The following INAVA variants were observed in gnomAD, a reference collection of about 807,000 sequenced individuals.
INAVA encodes innate immunity activator protein.
A neutral mutation model predicts 55.3 loss-of-function variants in INAVA; 32 were observed. The ratio of observed to expected loss-of-function variants is 0.58; its 90% CI spans 0.44 to 0.78. INAVA has a LOEUF of 0.78. INAVA is among the 30% of genes least tolerant of loss of function. INAVA has a pLI of 0.00. For missense variants in INAVA, 756 were observed against 786.4 expected (o/e 0.96, Z 0.46); for synonymous variants, 294 against 329.4 (o/e 0.89, Z 1.16).
chr1:200,892,074 G>A (rs1159524951), upstream of INAVA, among the ~76,000 whole-genome samples: 2 of 152,182 alleles, frequency 1.3e-5, no homozygotes, highest in African/African-American at 4.8e-5. Flanking sequence ...CGCATTCCAA[G>A]CTGGCTTGGA....
chr1:200,900,164 G>T lies in INAVA; in HGVS notation c.241G>T (p.Val81Phe), dbSNP rs779497908. 4.5e-5 allele frequency: 72 copies of T among 1,614,036 alleles called. No individual in the cohort carries two copies. The highest frequency in any genetic ancestry group is 5.9e-5 in the Non-Finnish European group (70 of 1,179,998). The change falls in exon 4 of 10, where the codon GTT (valine) becomes TTT (phenylalanine). Residue 81 changes from valine (V) to phenylalanine (F), a missense_variant. Around this residue, in one of 2 missense-constraint regions of INAVA, gnomAD observed 639 missense variants for 624.3 expected, o/e 1.02. Transcript: ENST00000413687. ...PLKPGEKAPK[V>F]RRRIGAAYKL... Reference sequence around the variant, plus strand: ...CAAACCAGGGGAAAAGGCCCCCAAGGTTCGCCGCAGGATCGGAGCGGCTTA... The same window carrying T: ...CAAACCAGGGGAAAAGGCCCCCAAGTTTCGCCGCAGGATCGGAGCGGCTTA...
chr1:200,913,497 G>T, intron 9 of INAVA, 40 bp from the exon 10 acceptor site: 1 of 1,542,014 alleles, frequency 6.5e-7, no homozygotes, highest in Non-Finnish European at 9.0e-7. Flanking sequence ...TTTCTGCCTG[G>T]TTCATTTACC....
At chr1:200,904,235 C>T (rs527950716) in intron 5 of INAVA, among the ~76,000 whole-genome samples, 13 of 152,140 alleles carry the variant, frequency 8.5e-5, no homozygotes, top group African/African-American at 2.9e-4. Context: ...ACTGCAGATG[C>T]GTGCTGCCAC....
intron 8 of INAVA, among the ~76,000 whole-genome samples, 186 bp downstream of exon 8, chr1:200,909,583 C>T (rs1002449444): frequency 6.6e-6 from 1 of 152,232 alleles, no homozygotes; most frequent in Non-Finnish European, 1.5e-5. Context: ...AGCCAAAGGC[C>T]ATCCATGAAG....
At position 200,911,830 on chromosome 1, in the gene INAVA, C is replaced by G; in HGVS notation, c.1337C>G (p.Pro446Arg). 6.2e-7 allele frequency: 1 copy of G among 1,602,576 alleles called. No homozygotes were observed. Among genetic ancestry groups the G allele is most frequent in the Non-Finnish European group, 8.5e-7 (1 of 1,177,500 alleles). ...RYVVVAESPLPPGEWELRRAA... is the reference protein window; with the variant it reads ...RYVVVAESPLRPGEWELRRAA... ...GTGGTGGTGGCTGAGAGCCCCCTGC[C>G]GCCTGGCGAGTGGGAGCTGCGCCGC... Residue 446 changes from proline (P) to arginine (R), a missense_variant, in exon 9 of 10, where the codon CCG becomes CGG. Physicochemically the swap from Pro to Arg is moderately radical, Grantham distance 103 (BLOSUM62 -2). This residue lies in a region of INAVA where 639 missense variants were observed against 624.3 expected (regional missense o/e 1.02). Coordinates refer to ENST00000413687, the MANE Select transcript of INAVA (RefSeq NM_001142569.3).
chr1:200,898,362 C>T lies in INAVA; in HGVS notation c.-39C>T. ...TGGCCCAGGCTGGTCACGGTGTCCC[C>T]CCTCCCTGCTCTGTGCCCTCTCCTT... On this transcript the variant is annotated 5_prime_UTR_variant, in exon 2 of 10. Coordinates refer to ENST00000413687, the MANE Select transcript of INAVA (RefSeq NM_001142569.3). The T allele has an allele frequency of 1.2e-6, 2 of 1,614,150 alleles. No individual in the cohort carries two copies. Among genetic ancestry groups the T allele is most frequent in the South Asian group, 1.1e-5 (1 of 91,070 alleles).
intron 3 of INAVA, 108 bp from the exon 4 acceptor site, chr1:200,899,996 G>A: frequency 1.2e-6 from 1 of 868,668 alleles, no homozygotes; most frequent in Non-Finnish European, 1.8e-6. Flanking sequence ...GGGGTGGAGG[G>A]TGGTCCCACC....
intron 1 of INAVA, among the ~76,000 whole-genome samples, chr1:200,896,285 G>C (rs1255391965): frequency 2.2e-5 from 3 of 136,472 alleles, no homozygotes; most frequent in Admixed American, 8.0e-5. Flanking sequence ...TGCTAGCTGA[G>C]ACCACCTTGC....
chr1:200,908,836 G>A lies in INAVA; in HGVS notation c.681G>A (p.Gly227=). ...TGCAGCCAACAGGACCTGAGGCTGG[G>A]AGCCCAGAACGGGCTCCAGTCCAGA... The part of the protein sequence containing the change: ...EGLQPTGPEA[G]SPERAPVQNS... Residue 227 remains glycine, a synonymous_variant, in exon 7 of 10, where the codon GGG becomes GGA. Coordinates refer to ENST00000413687, the MANE Select transcript of INAVA (RefSeq NM_001142569.3). The A allele has an allele frequency of 1.2e-6, 2 of 1,614,006 alleles. No homozygotes were observed. Among genetic ancestry groups the A allele is most frequent in the Non-Finnish European group, 1.7e-6 (2 of 1,179,968 alleles).
Position 200,901,080 on chromosome 1 carries a change from G to T in INAVA, c.441G>T (p.Leu147=). ...CCATGCTGCAGGAGGAGAAGAAGCT[G>T]CAGGAGCTCCAGCGCTGCCTGGTCG... ...KHSMLQEEKK[L]QELQRCLVER... Residue 147 remains leucine (L), a synonymous_variant, in exon 5 of 10, where the codon CTG becomes CTT. Transcript: ENST00000413687. 6.5e-7 allele frequency: 1 copy of T among 1,540,848 alleles called. No homozygotes were observed. Among genetic ancestry groups the T allele is most frequent in the South Asian group, 1.2e-5 (1 of 83,948 alleles).
At position 200,899,499 on chromosome 1, in the gene INAVA, A is replaced by C. The variant is rs1653134846; in HGVS notation, c.82A>C (p.Lys28Gln). The C allele has an allele frequency of 6.2e-7, 1 of 1,613,898 alleles. No homozygotes were observed. The highest frequency in any genetic ancestry group is 8.5e-7 in the Non-Finnish European group (1 of 1,179,992). ...SGPDSPVSPM[K>Q]ELTHAVHKQQ... is the part of the protein sequence containing the mutation. ...CCCCGACAGCCCGGTCTCCCCAATGAAGGAGCTGACCCATGCAGTGCACAA... is the reference window on the plus strand; with the variant it reads ...CCCCGACAGCCCGGTCTCCCCAATGCAGGAGCTGACCCATGCAGTGCACAA... The change falls in exon 3 of 10, where the codon AAG (lysine) becomes CAG (glutamine). Residue 28 changes from lysine to glutamine, a missense_variant. By Grantham distance (53) the Lys-to-Gln change is moderately conservative (BLOSUM62 1). Transcript: ENST00000413687.
In INAVA at chr1:200,894,967, A is replaced by G. The variant is rs2102298483; in HGVS notation, c.-215A>G. On this transcript the variant is annotated 5_prime_UTR_variant, in exon 1 of 10. Transcript: ENST00000413687. Reference sequence around the variant, plus strand: ...CGGACGGACGGCCAGCAGCTCCGTCAGCTGGAGAGAGAGCACAGGCCTGTG... The same window carrying G: ...CGGACGGACGGCCAGCAGCTCCGTCGGCTGGAGAGAGAGCACAGGCCTGTG... The G allele has an allele frequency of 2.0e-6, 2 of 985,678 alleles. No individual in the cohort carries two copies. The highest frequency in any genetic ancestry group is 2.4e-6 in the Non-Finnish European group (2 of 830,078). 61.1% of individuals were successfully genotyped at this position (985,678 alleles called of 1,614,324 possible). A position where few individuals can be genotyped will look rare whatever the true frequency, so the allele number is the denominator to read the frequency against.
In INAVA at chr1:200,901,094, G is replaced by T. The variant is rs141815054; in HGVS notation, c.455G>T (p.Arg152Leu). Residue 152 changes from arginine to leucine, a missense_variant, in exon 5 of 10, where the codon CGC becomes CTC. Arg to Leu is a moderately radical substitution (Grantham distance 102). Around this residue, in one of 2 missense-constraint regions of INAVA, gnomAD observed 639 missense variants for 624.3 expected, o/e 1.02. Transcript: ENST00000413687. ...QEEKKLQELQ[R>L]CLVERRRNSE... ...GAGAAGAAGCTGCAGGAGCTCCAGC[G>T]CTGCCTGGTCGAGCGGCGGCGCAAT... 3 of 1,537,612 alleles carry T rather than the reference G, an allele frequency of 2.0e-6. No individual in the cohort carries two copies. The highest frequency in any genetic ancestry group is 1.2e-5 in the South Asian group (1 of 83,900).
chr1:200,902,182 C>T (rs1431386277), intron 5 of INAVA, among the ~76,000 whole-genome samples: 1 of 152,226 alleles, frequency 6.6e-6, no homozygotes, highest in East Asian at 1.9e-4. Context: ...AGGCTCCCAT[C>T]CCTGCATATC....
At chr1:200,904,468 G>A (rs1435386755) in intron 5 of INAVA, among the ~76,000 whole-genome samples, 1 of 152,166 alleles carries the variant, frequency 6.6e-6, no homozygotes, top group East Asian at 1.9e-4. Context: ...ATGTGGCTAT[G>A]GAGCATTTGA....
upstream of INAVA, among the ~76,000 whole-genome samples, chr1:200,893,073 C>T (rs1668267199): frequency 6.6e-6 from 1 of 152,160 alleles, no homozygotes; most frequent in African/African-American, 2.4e-5. Flanking sequence ...TTTTCACCAA[C>T]CTTTAACAGA....
rs1289079589 is a variant in INAVA, at chr1:200,894,947, G to T, written c.-235G>T. ...GGTAGGCAGGTGAGCCGAGACGGAC[G>T]GACGGCCAGCAGCTCCGTCAGCTGG... On this transcript the variant is annotated 5_prime_UTR_variant, in exon 1 of 10. Coordinates refer to ENST00000413687, the MANE Select transcript of INAVA (RefSeq NM_001142569.3). The T allele has an allele frequency of 3.0e-6, 3 of 985,772 alleles. No homozygotes were observed. Among genetic ancestry groups the T allele is most frequent in the Non-Finnish European group, 3.6e-6 (3 of 830,176 alleles). The allele number at this position is 985,772 out of a possible 1,614,324, so 61.1% of individuals were successfully genotyped here.
Position 200,911,434 on chromosome 1 carries a change from C to T in INAVA, c.960-19C>T, listed in dbSNP as rs545166464. The T allele has an allele frequency of 1.9e-5, 30 of 1,596,424 alleles. No homozygotes were observed. The East Asian group carries it at 6.3e-4, about 33-fold the overall frequency. On this transcript the variant is annotated intron_variant, in intron 8 of 9. Transcript: ENST00000413687. Reference sequence around the variant, plus strand: ...GTTTCTGCCCCCCACACTCAGAATGCCTCTCTTTCCCTCTTCAGGGTGGAT... The same window carrying T: ...GTTTCTGCCCCCCACACTCAGAATGTCTCTCTTTCCCTCTTCAGGGTGGAT...
In INAVA at chr1:200,911,462, C is replaced by T; in HGVS notation, c.969C>T (p.Ser323=). The T allele has an allele frequency of 1.9e-6, 3 of 1,611,982 alleles. No individual in the cohort carries two copies. Among genetic ancestry groups the T allele is most frequent in the Non-Finnish European group, 2.5e-6 (3 of 1,178,688 alleles). ...CTCTTTCCCTCTTCAGGGTGGATTC[C>T]TTCCGGGCGGGTCCTGAGGGCCGAG... is the stretch of plus-strand genomic sequence containing the variant. ...RGQSQSLRVD[S]FRAGPEGRGR... The change falls in exon 9 of 10, where the codon TCC becomes TCT. Residue 323 remains serine (S), a synonymous_variant. Transcript: ENST00000413687.
Sources: gnomAD v4.1 joint callset for allele counts (sites outside exome capture counted in the v4.1 genomes callset) on GRCh38, gnomAD v4.1.1 for gene constraint, gnomAD v4.1.1 regional missense constraint, MANE v1.5 for transcripts, NCBI Gene and HGNC (gene_info 2026-07-23, HGNC 2026-07-21) for gene names.